Variants in XKR6 observed in about 807,000 individuals in gnomAD.
XKR6 encodes XK related 6.
XKR6 carries 22 observed loss-of-function variants against 56.7 expected under a neutral mutation model. That is an observed-to-expected ratio of 0.39 (90% CI 0.28 to 0.55). The LOEUF (loss-of-function observed/expected upper bound fraction) is 0.55, where lower values mean the gene tolerates loss of function less well. XKR6 is among the 20% of genes least tolerant of loss of function. The pLI is 0.66. For missense variants in XKR6, 852 were observed against 889.0 expected (o/e 0.96, Z 0.53); for synonymous variants, 524 against 387.8 (o/e 1.35, Z -4.13).
chr8:11,084,516 T>C (rs572950808), intron 1 of XKR6, among the ~76,000 whole-genome samples: 91 of 152,310 alleles, frequency 6.0e-4, no homozygotes, highest in African/African-American at 2.1e-3. Context: ...AAAATATTTA[T>C]TCAGAAAGCA....
At chr8:11,178,528 C>A (rs1802775771) in intron 1 of XKR6, among the ~76,000 whole-genome samples, 2 of 125,192 alleles carry the variant, frequency 1.6e-5, no homozygotes, top group African/African-American at 3.2e-5. Flanking sequence ...TTTTTAAGTC[C>A]AAACATCTGA....
At chr8:11,098,570 T>C (rs978364900) in intron 1 of XKR6, among the ~76,000 whole-genome samples, 1 of 152,192 alleles carries the variant, frequency 6.6e-6, no homozygotes, top group Non-Finnish European at 1.5e-5. Flanking sequence ...AAAAGCTTTC[T>C]CCATAGGCTA....
At chr8:10,981,057 T>A (rs1797723356) in intron 1 of XKR6, among the ~76,000 whole-genome samples, 1 of 152,206 alleles carries the variant, frequency 6.6e-6, no homozygotes, top group Admixed American at 6.5e-5. Flanking sequence ...AGATGCTTTT[T>A]CCCATTTTAA....
chr8:10,900,893 C>T (rs1027224541), intron 2 of XKR6, among the ~76,000 whole-genome samples: 9 of 145,520 alleles, frequency 6.2e-5, no homozygotes, highest in Admixed American at 1.4e-4. Context: ...TTTACCCTGT[C>T]GCTCAGGCTG....
chr8:10,946,337 A>G (rs1041362483), intron 1 of XKR6, among the ~76,000 whole-genome samples: 6 of 152,090 alleles, frequency 3.9e-5, no homozygotes, highest in African/African-American at 1.4e-4. Context: ...GGGGCTTTGA[A>G]TCGTGTAATG....
At chr8:11,196,306 C>T (rs924814321) in intron 1 of XKR6, among the ~76,000 whole-genome samples, 11 of 152,124 alleles carry the variant, frequency 7.2e-5, no homozygotes, top group African/African-American at 2.2e-4. Context: ...GCAACATAAA[C>T]ATTATTTGTA....
intron 1 of XKR6, among the ~76,000 whole-genome samples, chr8:11,142,635 C>G (rs561068995): frequency 5.3e-5 from 8 of 152,156 alleles, no homozygotes; most frequent in Non-Finnish European, 1.2e-4. Context: ...ATGTGAGATG[C>G]CTTCTCCCCC....
chr8:11,152,275 T>C (rs773750652), intron 1 of XKR6, among the ~76,000 whole-genome samples: 9 of 152,156 alleles, frequency 5.9e-5, no homozygotes, highest in Non-Finnish European at 7.3e-5. Flanking sequence ...GCTCTTTGCT[T>C]CTCTACAGTT....
chr8:11,107,195 T>A (rs1798710808), intron 1 of XKR6, among the ~76,000 whole-genome samples: 1 of 108,530 alleles, frequency 9.2e-6, no homozygotes, highest in Admixed American at 8.2e-5. Flanking sequence ...AGGATTCCAA[T>A]TTTTTTTTTT....
At chr8:11,110,458 A>G (rs140457248) in intron 1 of XKR6, among the ~76,000 whole-genome samples, 22 of 152,322 alleles carry the variant, frequency 1.4e-4, no homozygotes, top group African/African-American at 4.8e-4. Context: ...ATACTGGATA[A>G]TCCACCAACC....
chr8:10,984,732 C>CTCTCTCTCTCTCTATATATATATATA, intron 1 of XKR6, among the ~76,000 whole-genome samples: 145 of 47,402 alleles, frequency 3.1e-3, no homozygotes, highest in Non-Finnish European at 5.2e-3. Context: ...CTCTCTCTCT[C>CTCTCTCTCTCTCTATATATATATATA]TATATATATA....
intron 1 of XKR6, among the ~76,000 whole-genome samples, chr8:10,943,377 T>C (rs1350261418): frequency 6.6e-6 from 1 of 152,104 alleles, no homozygotes; most frequent in Admixed American, 6.5e-5. Flanking sequence ...GCACCCTGGA[T>C]TTCAGTCTCC....
At chr8:10,946,054 C>T (rs529766260) in intron 1 of XKR6, among the ~76,000 whole-genome samples, 12 of 152,008 alleles carry the variant, frequency 7.9e-5, no homozygotes, top group Admixed American at 4.6e-4. Context: ...GAGTTGTGAC[C>T]GCTGCCATGC....
chr8:10,968,206 C>T (rs758073137), intron 1 of XKR6, among the ~76,000 whole-genome samples: 13 of 152,326 alleles, frequency 8.5e-5, no homozygotes, highest in East Asian at 1.9e-4. Flanking sequence ...GATCTCCCAC[C>T]GCTCCTAGGC....
At chr8:10,949,006 G>T (rs1343507785) in intron 1 of XKR6, among the ~76,000 whole-genome samples, 1 of 152,208 alleles carries the variant, frequency 6.6e-6, no homozygotes, top group Non-Finnish European at 1.5e-5. Context: ...GTCAGACCCA[G>T]GGCAGGGCAG....
At position 11,156,504 on chromosome 8, in the gene XKR6, T is replaced by G. The variant is rs1207615460; in HGVS notation, c.764+44072A>C. Among the ~76,000 whole-genome samples the G allele has an allele frequency of 7.2e-4, 110 of 152,178 alleles. 1 individual carries two copies. Among genetic ancestry groups the G allele is most frequent in the Non-Finnish European group, 2.5e-4 (17 of 68,038 alleles). ...CAAAGATCTGTGAAACACCTAAAAT[T>G]GCAGGCAGTATTTTGTGTATCTTAA... On this transcript the variant is annotated intron_variant, in intron 1 of 2. Transcript: ENST00000416569.
At chr8:11,054,815 T>G (rs1214593593) in intron 1 of XKR6, among the ~76,000 whole-genome samples, 1 of 152,104 alleles carries the variant, frequency 6.6e-6, no homozygotes, top group Non-Finnish European at 1.5e-5. Context: ...ACTGGGGCCC[T>G]GGGAGCTCCT....
intron 1 of XKR6, among the ~76,000 whole-genome samples, chr8:10,979,904 A>C (rs10092831): frequency 0.53 from 79,832 of 151,702 alleles, 22,618 homozygotes; most frequent in African/African-American, 0.7. Context: ...GGGGACTTAT[A>C]AGGACATCTA....
chr8:11,087,307 T>G (rs908191510), intron 1 of XKR6, among the ~76,000 whole-genome samples: 3 of 152,202 alleles, frequency 2.0e-5, no homozygotes, highest in African/African-American at 4.8e-5. Context: ...TCGTCTCCCT[T>G]TCTTCCTTGC....
Sources: allele counts gnomAD v4.1 joint callset (sites outside exome capture counted in the v4.1 genomes callset), GRCh38; gene constraint gnomAD v4.1.1; transcripts MANE v1.5; gene names NCBI Gene and HGNC (gene_info 2026-07-23, HGNC 2026-07-21).